The following NAALADL2 variants were observed in gnomAD, a reference collection of about 807,000 sequenced individuals.
The protein encoded by NAALADL2 is inactive N-acetylated-alpha-linked acidic dipeptidase-like protein 2.
NAALADL2 carries 76 observed loss-of-function variants against 87.2 expected under a neutral mutation model. The ratio of observed to expected loss-of-function variants is 0.87; its 90% CI spans 0.72 to 1.05. The LOEUF is 1.05. Among genes scored for constraint, NAALADL2 ranks in the 50% least tolerant of loss-of-function variants. The pLI is 0.00. For missense variants in NAALADL2, 1,089 were observed against 945.8 expected (o/e 1.15, Z -1.99); for synonymous variants, 354 against 331.0 (o/e 1.07, Z -0.75).
At chr3:174,635,916 A>G (rs1270302061) in intron 2 of NAALADL2, among the ~76,000 whole-genome samples, 1 of 152,200 alleles carries the variant, frequency 6.6e-6, no homozygotes, top group Non-Finnish European at 1.5e-5. Context: ...TCATAGAAGG[A>G]TCTAGATAAT....
At chr3:175,377,388 T>C (rs559728622) in intron 5 of NAALADL2, among the ~76,000 whole-genome samples, 1 of 152,288 alleles carries the variant, frequency 6.6e-6, no homozygotes, top group South Asian at 2.1e-4. Context: ...TATTATCAGT[T>C]TTTTTTAATT....
At chr3:175,229,788 G>T (rs1283450022) in intron 2 of NAALADL2, among the ~76,000 whole-genome samples, 1 of 151,902 alleles carries the variant, frequency 6.6e-6, no homozygotes, top group East Asian at 1.9e-4. Context: ...TTCCCAAATT[G>T]ATCTTTAGTC....
At chr3:175,248,124 GAA>G (rs549998741) in intron 3 of NAALADL2, among the ~76,000 whole-genome samples, 12 of 152,256 alleles carry the variant, frequency 7.9e-5, no homozygotes, top group African/African-American at 2.9e-4. Flanking sequence ...ACAATGTGAT[GAA>G]AAATTATATG....
intron 3 of NAALADL2, among the ~76,000 whole-genome samples, chr3:174,746,824 G>T (rs1342837030): frequency 6.6e-6 from 1 of 152,016 alleles, no homozygotes; most frequent in African/African-American, 2.4e-5. Flanking sequence ...AACAAGCAAT[G>T]GGAAAGGATT....
rs193206248 is a variant in NAALADL2 at position 174,773,566 on chromosome 3, T to C, written c.-9+35820T>C. Reference sequence around the variant, plus strand: ...TATGAACATATCTAGTTAAAGTTTGTGGTGTGTGCCTTCAAGATATACTTA... The same window carrying C: ...TATGAACATATCTAGTTAAAGTTTGCGGTGTGTGCCTTCAAGATATACTTA... On this transcript the variant is annotated intron_variant, in intron 3 of 3. Coordinates refer to the NAALADL2 transcript ENST00000434257. Among the ~76,000 whole-genome samples the C allele has an allele frequency of 4.0e-3, 608 of 152,286 alleles. 5 individuals carry two copies. Among genetic ancestry groups the C allele is most frequent in the African/African-American group, 0.013 (560 of 41,572 alleles).
At chr3:175,393,280 CAAAAAAAAAAAAAAAAAA>C (rs775778803) in intron 5 of NAALADL2, among the ~76,000 whole-genome samples, 4 of 29,516 alleles carry the variant, frequency 1.4e-4, no homozygotes, top group African/African-American at 4.3e-4. Flanking sequence ...GACTCCGTCT[CAAAAAAAAAAAAAAAAAA>C]AAAAAAAAAA....
At chr3:174,508,275 G>A (rs1219606209) in intron 1 of NAALADL2, among the ~76,000 whole-genome samples, 3 of 151,688 alleles carry the variant, frequency 2.0e-5, no homozygotes, top group African/African-American at 4.8e-5. Context: ...CACCATGCCC[G>A]GCTAATTTTT....
At chr3:174,471,331 T>G (rs1716889143) in intron 1 of NAALADL2, among the ~76,000 whole-genome samples, 1 of 152,134 alleles carries the variant, frequency 6.6e-6, no homozygotes, top group Non-Finnish European at 1.5e-5. Flanking sequence ...TGTAAGCCTA[T>G]GTAGTTATAA....
chr3:175,028,801 A>G (rs1350197249), intron 1 of NAALADL2, among the ~76,000 whole-genome samples: 5 of 151,998 alleles, frequency 3.3e-5, no homozygotes, highest in African/African-American at 1.2e-4. Flanking sequence ...TTTGGGAAAT[A>G]AAAATCAATT....
Position 175,583,926 on chromosome 3 carries a change from T to C in NAALADL2, c.1800+7739T>C, listed in dbSNP as rs1296830665. 2.6e-5 allele frequency among the ~76,000 whole-genome samples: 4 copies of C among 152,222 alleles called. No individual in the cohort carries two copies. The South Asian group carries it at 6.2e-4, about 24-fold the overall frequency. ...GAAAATTATATTGAACAAACACTTA[T>C]ATAATGTTTGCGTCAGGCATTGTTC... is the stretch of plus-strand genomic sequence containing the variant. On this transcript the variant is annotated intron_variant, in intron 10 of 13. Transcript: ENST00000454872.
At chr3:175,634,356 AGTT>A (rs1340539839) in intron 11 of NAALADL2, among the ~76,000 whole-genome samples, 1 of 151,964 alleles carries the variant, frequency 6.6e-6, no homozygotes, top group African/African-American at 2.4e-5. Flanking sequence ...TGTTTGTATC[AGTT>A]GTTATAATAT....
At chr3:175,060,835 G>A (rs1031877620) in intron 1 of NAALADL2, among the ~76,000 whole-genome samples, 4 of 152,164 alleles carry the variant, frequency 2.6e-5, no homozygotes, top group Non-Finnish European at 4.4e-5. Flanking sequence ...ATCACCTGAG[G>A]TTGGGAGTTT....
intron 2 of NAALADL2, among the ~76,000 whole-genome samples, chr3:175,186,632 C>A (rs1485860551): frequency 6.6e-6 from 1 of 152,096 alleles, no homozygotes; most frequent in East Asian, 1.9e-4. Flanking sequence ...ACTTTACTAC[C>A]TTTGAATTTT....
chr3:174,784,933 A>G (rs563868954), intron 3 of NAALADL2, among the ~76,000 whole-genome samples: 2 of 152,332 alleles, frequency 1.3e-5, no homozygotes, highest in South Asian at 4.1e-4. Context: ...TGTAGTAAAG[A>G]GCAGGTAACT....
chr3:175,291,949 A>G (rs1006520844), intron 4 of NAALADL2, among the ~76,000 whole-genome samples: 1 of 152,260 alleles, frequency 6.6e-6, no homozygotes, highest in African/African-American at 2.4e-5. Flanking sequence ...TACACAAAGC[A>G]AATACAATTT....
intron 1 of NAALADL2, among the ~76,000 whole-genome samples, chr3:174,463,339 G>T (rs1194249188): frequency 6.6e-6 from 1 of 152,122 alleles, no homozygotes; most frequent in Non-Finnish European, 1.5e-5. Flanking sequence ...GAGAGAAAAT[G>T]ATAAAAGAAC....
intron 9 of NAALADL2, among the ~76,000 whole-genome samples, chr3:175,513,245 A>G (rs1401358844): frequency 6.6e-6 from 1 of 152,190 alleles, no homozygotes; most frequent in Non-Finnish European, 1.5e-5. Flanking sequence ...TAAAAGAAAA[A>G]CGGTCTAGAC....
intron 11 of NAALADL2, among the ~76,000 whole-genome samples, chr3:175,721,984 C>A (rs1742302157): frequency 6.6e-6 from 1 of 151,948 alleles, no homozygotes. Context: ...ACCAAATTTT[C>A]CATTCGTATT....
chr3:174,685,583 T>C (rs1727955919), intron 2 of NAALADL2, among the ~76,000 whole-genome samples: 1 of 152,136 alleles, frequency 6.6e-6, no homozygotes, highest in African/African-American at 2.4e-5. Context: ...GGTGACGATG[T>C]TATAACCTGG....
Sources: allele counts gnomAD v4.1 joint callset (sites outside exome capture counted in the v4.1 genomes callset), GRCh38; gene constraint gnomAD v4.1.1; transcripts MANE v1.5; gene names NCBI Gene and HGNC (gene_info 2026-07-23, HGNC 2026-07-21).